The following CLYBL variants were observed in gnomAD, a reference collection of about 807,000 sequenced individuals.
CLYBL encodes citramalyl-CoA lyase.
Under a neutral mutation model 38.9 loss-of-function variants are expected in CLYBL, and 31 were observed. That is an observed-to-expected ratio of 0.80 (90% CI 0.60 to 1.08). The LOEUF is 1.08. Ranked by LOEUF, CLYBL falls within the 50% of genes least tolerant of loss-of-function variation. CLYBL has a pLI of 0.00. For synonymous variants in CLYBL, 171 were observed against 158.6 expected, an observed-to-expected ratio of 1.08 and a Z score of -0.59; for missense variants, 434 against 411.6, an observed-to-expected ratio of 1.05 and a Z score of -0.47.
chr13:99,850,103 A>G (rs775833557), intron 2 of CLYBL, among the ~76,000 whole-genome samples: 1 of 152,242 alleles, frequency 6.6e-6, no homozygotes, highest in African/African-American at 2.4e-5. Flanking sequence ...AGTGGTCTCA[A>G]GATGATAGCA....
intron 2 of CLYBL, among the ~76,000 whole-genome samples, chr13:99,801,162 T>A (rs2050129020): frequency 1.3e-5 from 2 of 152,194 alleles, no homozygotes; most frequent in Non-Finnish European, 2.9e-5. Flanking sequence ...CACACGTCCC[T>A]GTTGGAGTGC....
chr13:99,618,808 T>G (rs986853861), intron 1 of CLYBL, among the ~76,000 whole-genome samples: 1 of 152,246 alleles, frequency 6.6e-6, no homozygotes, highest in African/African-American at 2.4e-5. Flanking sequence ...ACTCACATAT[T>G]TGTCCTTTTG....
In CLYBL at chr13:99,819,599, G is replaced by A. The variant is rs530987147; in HGVS notation, c.250-39262G>A. 6.0e-5 allele frequency among the ~76,000 whole-genome samples: 9 copies of A among 151,204 alleles called. No homozygotes were observed. In the South Asian group the frequency reaches 1.7e-3, roughly 28 times the overall value. On this transcript the variant is annotated intron_variant, in intron 2 of 8. Coordinates refer to ENST00000339105, the MANE Select transcript of CLYBL (RefSeq NM_206808.5). ...GTTCTGCGATCTGCTGTCTGCAAAC[G>A]GAAGACCTAGAAAAGCAGGTGGTGT...
chr13:99,741,581 C>G (rs1049471684), intron 1 of CLYBL, among the ~76,000 whole-genome samples: 1 of 152,200 alleles, frequency 6.6e-6, no homozygotes, highest in East Asian at 1.9e-4. Context: ...GGACGGAGTC[C>G]CACTCCGCCG....
chr13:99,713,770 A>G (rs1594134197), intron 1 of CLYBL, among the ~76,000 whole-genome samples: 1 of 150,148 alleles, frequency 6.7e-6, no homozygotes, highest in Non-Finnish European at 1.5e-5. Flanking sequence ...TGCAGCCTCA[A>G]CCTCCTGGGC....
intron 2 of CLYBL, among the ~76,000 whole-genome samples, chr13:99,847,388 G>GC (rs1432678776): frequency 6.6e-6 from 1 of 152,186 alleles, no homozygotes; most frequent in African/African-American, 2.4e-5. Flanking sequence ...CTGAGACCCA[G>GC]CAGGAGGCTT....
rs1439018203 is a variant in CLYBL, at chr13:99,754,590, GT to G, written c.63-18223del. 2.6e-3 allele frequency among the ~76,000 whole-genome samples: 365 copies of G among 142,586 alleles called. 1 individual carries two copies. Among genetic ancestry groups the G allele is most frequent in the Non-Finnish European group, 3.9e-3 (256 of 64,816 alleles). 93.5% of individuals were successfully genotyped at this position (142,586 alleles called of 152,430 possible). ...TAGATGATCTTTTTTTGTTGTTGTT[GT>G]TTTTTTTTTTGGAGACAAAGTCGCG... On this transcript the variant is annotated intron_variant, in intron 1 of 8. Coordinates refer to ENST00000339105, the MANE Select transcript of CLYBL (RefSeq NM_206808.5).
chr13:99,668,250 G>A (rs1372176930), intron 1 of CLYBL, among the ~76,000 whole-genome samples: 1 of 149,246 alleles, frequency 6.7e-6, no homozygotes, highest in Non-Finnish European at 1.5e-5. Context: ...CTCCAGCCTG[G>A]GCGACAGAGT....
intron 2 of CLYBL, among the ~76,000 whole-genome samples, chr13:99,843,833 C>A (rs1156904395): frequency 6.6e-6 from 1 of 152,152 alleles, no homozygotes; most frequent in South Asian, 2.1e-4. Context: ...AACTCCTGAC[C>A]TCAGGTGATC....
At chr13:99,903,694 C>A (rs532720163) in intron 8 of CLYBL, among the ~76,000 whole-genome samples, 1 of 152,256 alleles carries the variant, frequency 6.6e-6, no homozygotes, top group Non-Finnish European at 1.5e-5. Context: ...CCAAAATACT[C>A]CGTGAGGTTC....
intron 2 of CLYBL, among the ~76,000 whole-genome samples, chr13:99,842,658 C>T (rs1013457642): frequency 6.6e-6 from 1 of 152,124 alleles, no homozygotes; most frequent in African/African-American, 2.4e-5. Context: ...TCAGAACCAA[C>T]CCCAAGTGGG....
chr13:99,682,859 C>G (rs899056123), intron 1 of CLYBL, among the ~76,000 whole-genome samples: 6 of 151,700 alleles, frequency 4.0e-5, no homozygotes, highest in African/African-American at 1.5e-4. Context: ...GTCTCAGCCT[C>G]CTGAGTAGCT....
Position 99,818,909 on chromosome 13 carries a change from A to G in CLYBL, c.250-39952A>G, listed in dbSNP as rs73572546. On this transcript the variant is annotated intron_variant, in intron 2 of 8. Coordinates refer to ENST00000339105, the MANE Select transcript of CLYBL (RefSeq NM_206808.5). ...GCTTAATATTCCATCAAGCTGATGC[A>G]CTGTAATTGTCTAAAACAAGTGTGA... is the stretch of plus-strand genomic sequence containing the variant. Among the ~76,000 whole-genome samples, 1,376 of 152,298 alleles carry G rather than the reference A, an allele frequency of 9.0e-3. 18 individuals carry two copies. Among genetic ancestry groups the G allele is most frequent in the African/African-American group, 0.032 (1,316 of 41,548 alleles).
Position 99,871,003 on chromosome 13 carries a change from A to G in CLYBL, c.868A>G (p.Lys290Glu). The G allele has an allele frequency of 5.0e-6, 8 of 1,613,966 alleles. No individual in the cohort carries two copies. The highest frequency in any genetic ancestry group is 1.1e-5 in the South Asian group (1 of 91,036). Residue 290 changes from lysine (K) to glutamate (E), a missense_variant, in exon 7 of 9, where the codon AAA becomes GAA. Coordinates refer to ENST00000339105, the MANE Select transcript of CLYBL (RefSeq NM_206808.5). ...VQEQFSPSPE[K>E]IKWAEELIAA... ...GGAGCAGTTTTCTCCTTCCCCTGAAAAAATTAAGTGGGCTGAAGAACTGAT... is the reference window on the plus strand; with the variant it reads ...GGAGCAGTTTTCTCCTTCCCCTGAAGAAATTAAGTGGGCTGAAGAACTGAT...
chr13:99,684,886 A>G (rs2047795140), intron 1 of CLYBL, among the ~76,000 whole-genome samples: 2 of 152,228 alleles, frequency 1.3e-5, no homozygotes, highest in African/African-American at 4.8e-5. Context: ...ACCTTCTTTT[A>G]TAAAGAAAAC....
intron 4 of CLYBL, among the ~76,000 whole-genome samples, 154 bp downstream of exon 4, chr13:99,863,246 C>T (rs1040469854): frequency 6.6e-6 from 1 of 152,026 alleles, no homozygotes; most frequent in Admixed American, 6.5e-5. Flanking sequence ...TGTAATAGTC[C>T]AAAAACCAGG....
At chr13:99,640,794 A>G (rs958471546) in intron 1 of CLYBL, among the ~76,000 whole-genome samples, 1 of 152,202 alleles carries the variant, frequency 6.6e-6, no homozygotes, top group Non-Finnish European at 1.5e-5. Flanking sequence ...CTTACGACCA[A>G]TAGGATTTTG....
At chr13:99,625,287 A>AT (rs1400607404) in intron 1 of CLYBL, among the ~76,000 whole-genome samples, 1 of 151,962 alleles carries the variant, frequency 6.6e-6, no homozygotes, top group Non-Finnish European at 1.5e-5. Flanking sequence ...GGCCCCACAC[A>AT]TTTTTTTTCT....
intron 9 of CLYBL, among the ~76,000 whole-genome samples, chr13:99,906,464 C>G (rs1418531760): frequency 2.0e-5 from 3 of 150,496 alleles, no homozygotes; most frequent in African/African-American, 7.3e-5. Context: ...GAGACAAAGT[C>G]TTGCTCGGTC....
Sources: gnomAD v4.1 joint callset for allele counts (sites outside exome capture counted in the v4.1 genomes callset) on GRCh38, gnomAD v4.1.1 for gene constraint, MANE v1.5 for transcripts, NCBI Gene and HGNC (gene_info 2026-07-23, HGNC 2026-07-21) for gene names.